The following SHANK2 variants were observed in gnomAD, a reference collection of about 807,000 sequenced individuals.
The protein encoded by SHANK2 is SH3 and multiple ankyrin repeat domains protein 2.
In SHANK2, 43 loss-of-function variants were observed where a neutral mutation model predicts 133.7. The observed-to-expected ratio is 0.32, with a 90% confidence interval of 0.25 to 0.41. SHANK2 has a LOEUF of 0.41. SHANK2 is among the 10% of genes least tolerant of loss of function. SHANK2 has a pLI of 1.00. For synonymous variants in SHANK2, 1,017 were observed against 952.8 expected (o/e 1.07, Z -1.24); for missense variants, 1,994 against 2,235.8 (o/e 0.89, Z 2.18).
intron 13 of SHANK2, among the ~76,000 whole-genome samples, chr11:70,799,264 G>A (rs1180883192): frequency 2.0e-5 from 3 of 152,096 alleles, no homozygotes; most frequent in African/African-American, 4.8e-5. Flanking sequence ...TGGGCATGGT[G>A]GCCCATGCCT....
At position 70,492,348 on chromosome 11, in the gene SHANK2, C is replaced by G. The variant is rs1555156058; in HGVS notation, c.2426G>C (p.Gly809Ala). The G allele has an allele frequency of 6.2e-7, 1 of 1,611,890 alleles. No individual in the cohort carries two copies. The highest frequency in any genetic ancestry group is 1.1e-5 in the South Asian group (1 of 91,082). ...QRPSSRCFPAGSDMNSVYERQ... is the reference protein window; with the variant it reads ...QRPSSRCFPAASDMNSVYERQ... ...ACGGCCACTCACGTTCATGTCTGAG[C>G]CCGCCGGGAAGCACCGGCTGCTGGG... is the stretch of plus-strand genomic sequence containing the variant. The change falls in exon 22 of 26, where the codon GGC (glycine) becomes GCC (alanine). Residue 809 changes from glycine (G) to alanine (A), a missense_variant. By Grantham distance (60) the Gly-to-Ala change is moderately conservative. This residue lies in a region of SHANK2 where 488 missense variants were observed against 642.6 expected (regional missense o/e 0.76). Transcript: ENST00000601538.
chr11:70,507,647 T>C (rs577690248), intron 17 of SHANK2, among the ~76,000 whole-genome samples: 29 of 152,206 alleles, frequency 1.9e-4, no homozygotes, highest in Admixed American at 3.3e-4. Flanking sequence ...GAACCCTAGA[T>C]GCAGGCCCAG....
Position 70,804,477 on chromosome 11 carries a change from C to A in SHANK2, c.1663+2525G>T, listed in dbSNP as rs782524357. Among the ~76,000 whole-genome samples, 1 of 152,200 alleles carries A rather than the reference C, an allele frequency of 6.6e-6. No homozygotes were observed. The highest frequency in any genetic ancestry group is 2.4e-5 in the African/African-American group (1 of 41,466). On this transcript the variant is annotated intron_variant, in intron 13 of 25. Coordinates refer to ENST00000601538, the MANE Select transcript of SHANK2 (RefSeq NM_012309.5). The surrounding 1 kb of genome is among the most constrained non-coding windows in gnomAD (Gnocchi z 4.1). ...ATCCTTTGAAGTGTGAGTTTTGGAA[C>A]CGAGCTCTGTCATTTCTGTTCTCCC...
At chr11:71,236,040 G>A (rs529245475) in intron 1 of SHANK2, among the ~76,000 whole-genome samples, 5 of 152,298 alleles carry the variant, frequency 3.3e-5, no homozygotes, top group South Asian at 2.1e-4. Flanking sequence ...TGGCCATTCC[G>A]TTCTTCCTGC....
Position 70,487,152 on chromosome 11 carries a change from G to A in SHANK2, c.3141C>T (p.Ser1047=). The change falls in exon 25 of 26, where the codon AGC becomes AGT. Residue 1047 remains serine, a synonymous_variant. Coordinates refer to ENST00000601538, the MANE Select transcript of SHANK2 (RefSeq NM_012309.5). The surrounding 1 kb of genome is among the most constrained non-coding windows in gnomAD (Gnocchi z 5.8). Reference sequence around the variant, plus strand: ...CGATCTCCATGCTGCTGCCCTGGCTGCTCTTGCCGCTGCTGCTGGTGGACG... The same window carrying A: ...CGATCTCCATGCTGCTGCCCTGGCTACTCTTGCCGCTGCTGCTGGTGGACG... ...KEPSTSSSGK[S]SQGSSMEIDP... 6.2e-7 allele frequency: 1 copy of A among 1,613,000 alleles called. No individual in the cohort carries two copies. Among genetic ancestry groups the A allele is most frequent in the Non-Finnish European group, 8.5e-7 (1 of 1,180,032 alleles).
At chr11:70,680,737 T>C (rs1311348373) in intron 15 of SHANK2, among the ~76,000 whole-genome samples, 1 of 152,148 alleles carries the variant, frequency 6.6e-6, no homozygotes, top group African/African-American at 2.4e-5. Flanking sequence ...CCAGCCTCTC[T>C]CTCTTTCCCT....
rs188071655 is a variant in SHANK2 at position 70,926,127 on chromosome 11, G to C, written c.1108-29560C>G. On this transcript the variant is annotated intron_variant, in intron 10 of 25. Coordinates refer to ENST00000601538, the MANE Select transcript of SHANK2 (RefSeq NM_012309.5). ...CTCTCTACCAAAAGCACAAAAATTA[G>C]CTGGGTGTGGTGGTATGTGTCTGTA... Among the ~76,000 whole-genome samples, 152 of 152,130 alleles carry C rather than the reference G, an allele frequency of 1.0e-3. 2 individuals are homozygous for C. Among genetic ancestry groups the C allele is most frequent in the African/African-American group, 3.6e-3 (150 of 41,496 alleles).
At chr11:71,068,867 CCAT>C (rs1183679468) in intron 9 of SHANK2, among the ~76,000 whole-genome samples, 1 of 151,878 alleles carries the variant, frequency 6.6e-6, no homozygotes, top group Non-Finnish European at 1.5e-5. Flanking sequence ...ACTGTCATCA[CCAT>C]CATCATGATT....
At chr11:70,942,988 T>C (rs1187435482) in intron 10 of SHANK2, 9 of 451,432 alleles carry the variant, frequency 2.0e-5, no homozygotes, top group Non-Finnish European at 4.0e-5. Context: ...GGGAGACTTA[T>C]GCATGAACCA....
At chr11:70,530,500 C>T (rs72639104) in intron 17 of SHANK2, among the ~76,000 whole-genome samples, 13,714 of 152,166 alleles carry the variant, frequency 0.09, 1,015 homozygotes, top group East Asian at 0.39. Flanking sequence ...CATACCACTG[C>T]ACTCCTGCCT....
intron 3 of SHANK2, among the ~76,000 whole-genome samples, chr11:71,131,969 G>A (rs535999543): frequency 6.6e-5 from 10 of 152,316 alleles, no homozygotes; most frequent in Admixed American, 3.3e-4. Context: ...GGATTAAGGG[G>A]GTCCCCGAGG....
chr11:70,519,351 T>C (rs986340384), intron 17 of SHANK2, among the ~76,000 whole-genome samples: 1 of 152,220 alleles, frequency 6.6e-6, no homozygotes, highest in South Asian at 2.1e-4. Flanking sequence ...AGTGACCAGT[T>C]CTTTAAAAAG....
At chr11:70,544,034 C>A (rs901063002) in intron 17 of SHANK2, among the ~76,000 whole-genome samples, 2 of 152,168 alleles carry the variant, frequency 1.3e-5, no homozygotes, top group Non-Finnish European at 2.9e-5. Flanking sequence ...GCCTCACAGT[C>A]CCCCCAAATT....
At chr11:70,900,131 G>C (rs994845836) in intron 10 of SHANK2, among the ~76,000 whole-genome samples, 1 of 152,108 alleles carries the variant, frequency 6.6e-6, no homozygotes, top group South Asian at 2.1e-4. Flanking sequence ...TGAGGCAGGC[G>C]GATCACTAGG....
intron 21 of SHANK2, among the ~76,000 whole-genome samples, chr11:70,493,921 C>T (rs1324895806): frequency 6.6e-6 from 1 of 152,130 alleles, no homozygotes; most frequent in Non-Finnish European, 1.5e-5. Context: ...GAGGAAGGCC[C>T]CCATCTCCAA....
At chr11:71,069,215 G>A (rs2135962106) in intron 9 of SHANK2, among the ~76,000 whole-genome samples, 1 of 149,686 alleles carries the variant, frequency 6.7e-6, no homozygotes, top group Admixed American at 6.6e-5. Flanking sequence ...CACCATCACT[G>A]TCACCATGAC....
intron 2 of SHANK2, among the ~76,000 whole-genome samples, chr11:71,215,521 G>A (rs1333913359): frequency 6.6e-6 from 1 of 152,196 alleles, no homozygotes; most frequent in Non-Finnish European, 1.5e-5. Flanking sequence ...CGTGAGGTCA[G>A]GCCTGAAAAG....
At chr11:70,809,095 C>A (rs919956612) in intron 12 of SHANK2, among the ~76,000 whole-genome samples, 2 of 151,382 alleles carry the variant, frequency 1.3e-5, no homozygotes, top group African/African-American at 4.9e-5. Context: ...AGTGCCAGGA[C>A]GGGCGTCCTT....
chr11:70,488,717 G>T (rs1262150300), intron 24 of SHANK2, among the ~76,000 whole-genome samples: 1 of 152,270 alleles, frequency 6.6e-6, no homozygotes, highest in Non-Finnish European at 1.5e-5. Flanking sequence ...TGGAGCAGGG[G>T]CTGAGAGCCC....
Sources: gnomAD v4.1 joint callset for allele counts (sites outside exome capture counted in the v4.1 genomes callset) on GRCh38, gnomAD v4.1.1 for gene constraint, gnomAD v4.1.1 regional missense constraint, Gnocchi (gnomAD v3.1) non-coding constraint, MANE v1.5 for transcripts, NCBI Gene and HGNC (gene_info 2026-07-23, HGNC 2026-07-21) for gene names.